Variants in SCAI observed in about 807,000 individuals in gnomAD.
The protein encoded by SCAI is protein SCAI.
SCAI carries 24 observed loss-of-function variants against 92.2 expected under a neutral mutation model. The observed-to-expected ratio is 0.26, with a 90% CI of 0.19 to 0.37. The LOEUF is 0.37. Among genes scored for constraint, SCAI ranks in the 10% least tolerant of loss-of-function variants. SCAI has a pLI of 1.00. For synonymous variants in SCAI, 261 were observed against 258.6 expected (o/e 1.01, Z -0.09); for missense variants, 450 against 736.2 (o/e 0.61, Z 4.50).
chr9:125,008,184 A>G (rs1330126068), intron 9 of SCAI, among the ~76,000 whole-genome samples: 12 of 148,040 alleles, frequency 8.1e-5, no homozygotes, highest in African/African-American at 1.0e-4. Flanking sequence ...TCACTCTGTC[A>G]CCCAGGCTGG....
chr9:125,142,168 G>C (rs1366328028), intron 2 of SCAI: 2 of 154,134 alleles, frequency 1.3e-5, no homozygotes, highest in Non-Finnish European at 2.9e-5. Flanking sequence ...GGACCGGCTA[G>C]TTTTTCAATT....
intron 9 of SCAI, 77 bp from the exon 10 acceptor site, chr9:125,003,647 A>G (rs543027301): frequency 1.1e-6 from 1 of 874,598 alleles, no homozygotes; most frequent in East Asian, 2.4e-5. Flanking sequence ...TCACGTTACT[A>G]GTTGTGACTT....
chr9:125,020,075 A>G (rs76921452), intron 7 of SCAI, among the ~76,000 whole-genome samples: 1 of 150,194 alleles, frequency 6.7e-6, no homozygotes, highest in African/African-American at 2.4e-5. Context: ...CTTGTCTCAA[A>G]AAAAAAAAAA....
At chr9:125,005,983 T>C (rs958404727) in intron 9 of SCAI, among the ~76,000 whole-genome samples, 1 of 152,194 alleles carries the variant, frequency 6.6e-6, no homozygotes, top group Non-Finnish European at 1.5e-5. Context: ...TTTGCATGGC[T>C]GAAAAATCTA....
intron 2 of SCAI, among the ~76,000 whole-genome samples, chr9:125,139,117 A>G (rs1835608752): frequency 6.6e-6 from 1 of 152,206 alleles, no homozygotes; most frequent in African/African-American, 2.4e-5. Flanking sequence ...AATCACATAC[A>G]AAAACCCAAA....
chr9:125,010,489 G>A (rs1018725069), intron 9 of SCAI, among the ~76,000 whole-genome samples: 4 of 152,326 alleles, frequency 2.6e-5, no homozygotes, highest in African/African-American at 7.2e-5. Context: ...AGGGGTACCC[G>A]CCATTGCCCA....
intron 9 of SCAI, among the ~76,000 whole-genome samples, chr9:125,013,546 C>G (rs947244643): frequency 1.2e-4 from 19 of 152,288 alleles, no homozygotes; most frequent in African/African-American, 4.6e-4. Flanking sequence ...CAATAGCTTA[C>G]CAACCAAAAA....
intron 14 of SCAI, among the ~76,000 whole-genome samples, chr9:124,982,355 G>A (rs1287079449): frequency 6.6e-6 from 1 of 152,008 alleles, no homozygotes; most frequent in Non-Finnish European, 1.5e-5. Context: ...GCCCTAAATT[G>A]TATATCTGAC....
chr9:124,996,058 A>G, intron 13 of SCAI, among the ~76,000 whole-genome samples: 1 of 152,264 alleles, frequency 6.6e-6, no homozygotes, highest in Admixed American at 6.5e-5. Flanking sequence ...TATTTCAAAT[A>G]AAAGTTTTTC....
Position 125,142,635 on chromosome 9 carries a change from GCTT to G in SCAI, c.93_95del (p.Arg31del). The G allele has an allele frequency of 6.2e-7, 1 of 1,613,456 alleles. No homozygotes were observed. The highest frequency in any genetic ancestry group is 8.5e-7 in the Non-Finnish European group (1 of 1,179,420). On this transcript the variant is annotated inframe_deletion, in exon 2 of 18. Coordinates refer to ENST00000336505, the MANE Select transcript of SCAI (RefSeq NM_001144877.3). ...AAAATAGGAAGGCACTGCCTTACCT[GCTT>G]CTCCGTTTTCGAGGCGGTTTCTCCA...
intron 2 of SCAI, among the ~76,000 whole-genome samples, chr9:125,134,801 T>G (rs1835484624): frequency 6.6e-6 from 1 of 152,146 alleles, no homozygotes; most frequent in Admixed American, 6.5e-5. Flanking sequence ...CTCAGCCTCC[T>G]GAGTAGCTGG....
At chr9:124,967,558 T>C (rs1455223146) in intron 17 of SCAI, among the ~76,000 whole-genome samples, 1 of 152,202 alleles carries the variant, frequency 6.6e-6, no homozygotes, top group Non-Finnish European at 1.5e-5. Flanking sequence ...ACTCAGCTCA[T>C]GAAAATGGCT....
chr9:124,982,932 C>T (rs956815012), intron 14 of SCAI, among the ~76,000 whole-genome samples: 1 of 151,952 alleles, frequency 6.6e-6, no homozygotes, highest in Non-Finnish European at 1.5e-5. Context: ...GTGGGAGAAT[C>T]GCTTACAGCA....
chr9:125,003,574 CA>C lies in SCAI; in HGVS notation c.862-5del. The C allele has an allele frequency of 6.4e-7, 1 of 1,560,138 alleles. No individual in the cohort carries two copies. The highest frequency in any genetic ancestry group is 1.4e-5 in the African/African-American group (1 of 72,572). The stretch of plus-strand genomic sequence containing the variant: ...CAGTTAGTTCACTGAACTTAACCTG[CA>C]AGAAAAAAAAAAACAAACACAACCT... On this transcript the variant is annotated splice_region_variant and splice_polypyrimidine_tract_variant and intron_variant, in intron 9 of 17. Transcript: ENST00000336505.
intron 15 of SCAI, among the ~76,000 whole-genome samples, chr9:124,973,918 C>A (rs1204763638): frequency 2.0e-5 from 3 of 152,214 alleles, no homozygotes; most frequent in Non-Finnish European, 4.4e-5. Context: ...CTGGAACACT[C>A]TTGCTCGGTC....
chr9:125,062,017 A>T (rs1833777210), intron 2 of SCAI, among the ~76,000 whole-genome samples: 1 of 152,134 alleles, frequency 6.6e-6, no homozygotes. Context: ...CTATTAATTG[A>T]AAGGGGAATA....
At chr9:124,994,275 T>C (rs1460202122) in intron 14 of SCAI, among the ~76,000 whole-genome samples, 1 of 152,318 alleles carries the variant, frequency 6.6e-6, no homozygotes, top group African/African-American at 2.4e-5. Flanking sequence ...CCTCAGGTAA[T>C]CTGCCCGCCT....
At chr9:124,995,549 G>A (rs533053635) in intron 13 of SCAI, among the ~76,000 whole-genome samples, 1 of 151,818 alleles carries the variant, frequency 6.6e-6, no homozygotes, top group East Asian at 1.9e-4. Flanking sequence ...CAGTGGTGTT[G>A]TGCAATCGCA....
At chr9:125,024,037 C>T (rs1235089167) in intron 6 of SCAI, among the ~76,000 whole-genome samples, 3 of 151,872 alleles carry the variant, frequency 2.0e-5, no homozygotes, top group Non-Finnish European at 2.9e-5. Flanking sequence ...ATTCATATTT[C>T]CCACTGAAAA....
Sources: gnomAD v4.1 joint callset for allele counts (sites outside exome capture counted in the v4.1 genomes callset) on GRCh38, gnomAD v4.1.1 for gene constraint, MANE v1.5 for transcripts, NCBI Gene and HGNC (gene_info 2026-07-23, HGNC 2026-07-21) for gene names.